SPATA17: variants seen among roughly 807,000 people sequenced by gnomAD.
SPATA17 encodes spermatogenesis-associated protein 17.
Under a neutral mutation model 62.2 loss-of-function variants are expected in SPATA17, and 53 were observed. The ratio of observed to expected loss-of-function variants is 0.85; its 90% CI spans 0.68 to 1.07. SPATA17 has a LOEUF of 1.07. SPATA17 is among the 50% of genes least tolerant of loss of function. The pLI is 0.00. For missense variants in SPATA17, 466 were observed against 425.5 expected, an observed-to-expected ratio of 1.10 and a Z score of -0.84; for synonymous variants, 146 against 146.8, an observed-to-expected ratio of 0.99 and a Z score of 0.04.
rs927356461 is a variant in SPATA17 at position 217,694,344 on chromosome 1, G to C, written c.395+10983G>C. ...GCCTTTTTTTGTTTTCCATTGGCTT[G>C]GTAGATCTTCCTCCATCCTTTTATT... On this transcript the variant is annotated intron_variant, in intron 5 of 10. Coordinates refer to ENST00000366933, the MANE Select transcript of SPATA17 (RefSeq NM_138796.4). Among the ~76,000 whole-genome samples, 516 of 142,206 alleles carry C rather than the reference G, an allele frequency of 3.6e-3. 11 individuals are homozygous for C. The highest frequency in any genetic ancestry group is 0.013 in the African/African-American group (496 of 36,746). 93.3% of individuals were successfully genotyped at this position (142,206 alleles called of 152,430 possible).
At position 217,797,235 on chromosome 1, in the gene SPATA17, T is replaced by TTTTC. The variant is rs200211154; in HGVS notation, c.873-4467_873-4464dup. Among the ~76,000 whole-genome samples the TTTTC allele has an allele frequency of 2.0e-3, 293 of 144,592 alleles. 1 individual carries two copies. Among genetic ancestry groups the TTTTC allele is most frequent in the African/African-American group, 6.8e-3 (268 of 39,586 alleles). The allele number at this position is 144,592 out of a possible 152,430, so 94.9% of individuals were successfully genotyped here. A position where few individuals can be genotyped will look rare whatever the true frequency, so the allele number is the denominator to read the frequency against. On this transcript the variant is annotated intron_variant, in intron 8 of 10. Transcript: ENST00000366933. ...AGCCCTCAAAACATTAAATTTACTA[T>TTTTC]TTTCTTTCTTTCTTTCTTTTTTTTT...
chr1:217,853,103 GAA>G (rs1402729728), intron 9 of SPATA17, among the ~76,000 whole-genome samples: 1 of 152,050 alleles, frequency 6.6e-6, no homozygotes, highest in African/African-American at 2.4e-5. Context: ...TTTTTTAAAA[GAA>G]AGAGTGAATG....
intron 9 of SPATA17, among the ~76,000 whole-genome samples, chr1:217,852,142 C>T (rs1442655151): frequency 3.3e-5 from 5 of 152,090 alleles, no homozygotes; most frequent in South Asian, 2.1e-4. Flanking sequence ...CCCACAGTTA[C>T]GAAAAGAATA....
At chr1:217,632,182 C>CAATA (rs148602126) in intron 1 of SPATA17, among the ~76,000 whole-genome samples, 12 of 151,308 alleles carry the variant, frequency 7.9e-5, no homozygotes, top group East Asian at 3.9e-4. Context: ...GACCCTGTCT[C>CAATA]AATAAATAAA....
At chr1:217,667,829 T>C (rs1233319209) in intron 3 of SPATA17, among the ~76,000 whole-genome samples, 2 of 152,260 alleles carry the variant, frequency 1.3e-5, no homozygotes, top group Admixed American at 1.3e-4. Context: ...AATTACGCCT[T>C]GCTTACAATC....
chr1:217,654,540 G>C (rs1670393954), intron 3 of SPATA17, among the ~76,000 whole-genome samples: 1 of 151,908 alleles, frequency 6.6e-6, no homozygotes, highest in African/African-American at 2.4e-5. Flanking sequence ...ATAGTACAAA[G>C]AACTTCCATA....
intron 5 of SPATA17, among the ~76,000 whole-genome samples, chr1:217,705,852 G>A (rs1671721454): frequency 6.6e-6 from 1 of 152,134 alleles, no homozygotes; most frequent in Non-Finnish European, 1.5e-5. Context: ...GGTTTTTATA[G>A]TTTTAGGTTT....
intron 5 of SPATA17, among the ~76,000 whole-genome samples, chr1:217,711,161 G>T (rs373228655): frequency 2.6e-5 from 4 of 152,032 alleles, no homozygotes; most frequent in African/African-American, 9.6e-5. Context: ...TTTATTTTTG[G>T]TTCAGTGGTA....
At chr1:217,641,022 T>C (rs1670050217) in intron 1 of SPATA17, among the ~76,000 whole-genome samples, 1 of 152,124 alleles carries the variant, frequency 6.6e-6, no homozygotes, top group Non-Finnish European at 1.5e-5. Context: ...CAGGTACTTA[T>C]TTGTGAAATA....
At chr1:217,743,112 T>A (rs558166661) in intron 6 of SPATA17, among the ~76,000 whole-genome samples, 1 of 152,126 alleles carries the variant, frequency 6.6e-6, no homozygotes, top group South Asian at 2.1e-4. Context: ...GTTATCTTCA[T>A]TTGACAGGTA....
intron 9 of SPATA17, among the ~76,000 whole-genome samples, chr1:217,828,106 A>G (rs1240012116): frequency 6.6e-6 from 1 of 152,190 alleles, no homozygotes; most frequent in Non-Finnish European, 1.5e-5. Context: ...GAACCACAAA[A>G]GAAACCTGAA....
intron 9 of SPATA17, among the ~76,000 whole-genome samples, chr1:217,815,819 A>G (rs1386640952): frequency 6.6e-6 from 1 of 152,186 alleles, no homozygotes; most frequent in Non-Finnish European, 1.5e-5. Context: ...GGACTGCTCT[A>G]CAGATTTAAC....
chr1:217,654,755 C>T (rs970599870), intron 3 of SPATA17, among the ~76,000 whole-genome samples: 7 of 145,204 alleles, frequency 4.8e-5, no homozygotes, highest in Non-Finnish European at 5.9e-5. Context: ...CTCGCTCTGT[C>T]GTCCCAGGGT....
chr1:217,844,929 T>C (rs1389815657), intron 9 of SPATA17, among the ~76,000 whole-genome samples: 1 of 152,138 alleles, frequency 6.6e-6, no homozygotes, highest in Non-Finnish European at 1.5e-5. Context: ...TTTTTTATTC[T>C]AAAGTATGAT....
intron 9 of SPATA17, among the ~76,000 whole-genome samples, chr1:217,855,870 G>T (rs1323384575): frequency 6.6e-6 from 1 of 151,542 alleles, no homozygotes; most frequent in African/African-American, 2.4e-5. Flanking sequence ...GAGACTACAG[G>T]TGCGTGCCAC....
intron 5 of SPATA17, among the ~76,000 whole-genome samples, chr1:217,688,729 C>T (rs982376759): frequency 2.2e-4 from 34 of 152,190 alleles, no homozygotes; most frequent in African/African-American, 7.0e-4. Context: ...GGGCACTCCT[C>T]ATCTGCATGC....
At chr1:217,701,197 A>T (rs1671588185) in intron 5 of SPATA17, among the ~76,000 whole-genome samples, 1 of 150,026 alleles carries the variant, frequency 6.7e-6, no homozygotes, top group East Asian at 2.0e-4. Context: ...CTGGTCTCAA[A>T]CTCCTGACCT....
intron 5 of SPATA17, among the ~76,000 whole-genome samples, chr1:217,726,550 A>T (rs1302636221): frequency 6.6e-6 from 1 of 152,118 alleles, no homozygotes; most frequent in Non-Finnish European, 1.5e-5. Context: ...TACTACACTG[A>T]TTTTGTGATT....
At chr1:217,837,455 TAAC>T (rs1180472491) in intron 9 of SPATA17, among the ~76,000 whole-genome samples, 6 of 152,132 alleles carry the variant, frequency 3.9e-5, no homozygotes, top group African/African-American at 1.4e-4. Context: ...GTGCTTGAGT[TAAC>T]AGCTGTTTAC....
Sources: allele counts gnomAD v4.1 joint callset (sites outside exome capture counted in the v4.1 genomes callset), GRCh38; gene constraint gnomAD v4.1.1; transcripts MANE v1.5; gene names NCBI Gene and HGNC (gene_info 2026-07-23, HGNC 2026-07-21).